The following CNNM4 variants were observed in gnomAD, a reference collection of about 807,000 sequenced individuals.
CNNM4 encodes the protein cyclin and CBS domain divalent metal cation transport mediator 4.
In CNNM4, 32 loss-of-function variants were observed where a neutral mutation model predicts 53.7. The ratio of observed to expected loss-of-function variants is 0.60; its 90% CI spans 0.45 to 0.80. The LOEUF (loss-of-function observed/expected upper bound fraction) is 0.80, where lower values mean the gene tolerates loss of function less well. Among genes scored for constraint, CNNM4 ranks in the 30% least tolerant of loss-of-function variants. The pLI, the probability that CNNM4 is intolerant of heterozygous loss-of-function variation, is 0.00. For synonymous variants in CNNM4, 410 were observed against 440.0 expected (o/e 0.93, Z 0.85); for missense variants, 784 against 1,022.0 (o/e 0.77, Z 3.17).
chr2:96,774,757 A>C, intron 1 of CNNM4, among the ~76,000 whole-genome samples: 1 of 152,112 alleles, frequency 6.6e-6, no homozygotes, highest in East Asian at 1.9e-4. Flanking sequence ...TGAGGTTAGG[A>C]GTTCGAGACC....
At chr2:96,803,221 G>A (rs779189920) in intron 5 of CNNM4, among the ~76,000 whole-genome samples, 5 of 152,246 alleles carry the variant, frequency 3.3e-5, no homozygotes, top group South Asian at 4.1e-4. Context: ...ATGGATGGCC[G>A]GGAGGTGATG....
rs770361608 is a variant in CNNM4, at chr2:96,797,636, TC to T, written c.1672del (p.Leu558Ter). On this transcript the variant is annotated frameshift_variant, in exon 3 of 7. Transcript: ENST00000377075. LOFTEE classifies it high-confidence loss of function. This position sits in a 1 kb window ranked among gnomAD's most constrained non-coding sequence, Gnocchi z 6.0. ...SPQLLLAAHR[F>X]LATEVSQFSP... is the part of the protein sequence containing the mutation. ...CAGCTCCTCCTGGCCGCTCATCGCT[TC>T]CTAGCCACAGGTAGCATGAGGAGGA... 6.2e-7 allele frequency: 1 copy of T among 1,614,002 alleles called. No individual in the cohort carries two copies. The highest frequency in any genetic ancestry group is 8.5e-7 in the Non-Finnish European group (1 of 1,180,012).
Position 96,809,580 on chromosome 2 carries a change from G to GA in CNNM4, c.*64dup, listed in dbSNP as rs1354650595. The stretch of plus-strand genomic sequence containing the variant: ...CCTCCCCAGTGGGCCCACATGAAGA[G>GA]AGGGAACCTGTTAGTCCAGAAAGGA... On this transcript the variant is annotated 3_prime_UTR_variant, in exon 7 of 7. Transcript: ENST00000377075. The GA allele has an allele frequency of 2.1e-6, 3 of 1,425,108 alleles. No homozygotes were observed. Among genetic ancestry groups the GA allele is most frequent in the African/African-American group, 2.8e-5 (2 of 70,934 alleles). 88.3% of individuals were successfully genotyped at this position (1,425,108 alleles called of 1,614,324 possible).
At chr2:96,768,272 G>C (rs1264803539) in intron 1 of CNNM4, among the ~76,000 whole-genome samples, 2 of 152,076 alleles carry the variant, frequency 1.3e-5, no homozygotes, top group Non-Finnish European at 2.9e-5. Flanking sequence ...CCTCCCATCC[G>C]CACCTGCTTA....
At position 96,761,272 on chromosome 2, in the gene CNNM4, C is replaced by T. The variant is rs1207612586; in HGVS notation, c.273C>T (p.Ile91=). The change falls in exon 1 of 7, where the codon ATC becomes ATT. Residue 91 remains isoleucine, a synonymous_variant. Coordinates refer to ENST00000377075, the MANE Select transcript of CNNM4 (RefSeq NM_020184.4). This position sits in a 1 kb window ranked among gnomAD's most constrained non-coding sequence, Gnocchi z 6.0. ...YSLGNISSNL[I]SFTEVDDAET... ...TGGGCAACATCTCCAGCAACCTGAT[C>T]TCCTTCACCGAGGTGGACGATGCCG... 3.1e-6 allele frequency: 5 copies of T among 1,614,048 alleles called. No homozygotes were observed. The highest frequency in any genetic ancestry group is 2.2e-5 in the East Asian group (1 of 44,886).
At chr2:96,793,276 G>A (rs879846792) in intron 1 of CNNM4, among the ~76,000 whole-genome samples, 7 of 152,126 alleles carry the variant, frequency 4.6e-5, no homozygotes, top group Non-Finnish European at 1.5e-5. Context: ...CTCTGGCCCG[G>A]GGAGGGGAAA....
rs200436037 is a variant in CNNM4 at position 96,762,443 on chromosome 2, C to T, written c.1402+42C>T. On this transcript the variant is annotated intron_variant, in intron 1 of 6. Transcript: ENST00000377075. ...TTCCCCTGGTTCAATTTCCTCTTGA[C>T]GCCTCTTTTCCCCTGGCGTGTTTTG... The T allele has an allele frequency of 2.8e-5, 43 of 1,561,522 alleles. No homozygotes were observed. The Middle Eastern group carries it at 5.0e-4, about 18-fold the overall frequency.
chr2:96,796,129 G>GTTT (rs1299441026), intron 1 of CNNM4, among the ~76,000 whole-genome samples: 9 of 103,198 alleles, frequency 8.7e-5, no homozygotes, highest in African/African-American at 2.8e-4. Flanking sequence ...ACCAGACAGG[G>GTTT]TCTTTTTTTT....
intron 1 of CNNM4, among the ~76,000 whole-genome samples, chr2:96,790,424 G>A (rs1475024836): frequency 6.6e-6 from 1 of 151,494 alleles, no homozygotes; most frequent in African/African-American, 2.4e-5. Flanking sequence ...GCACGATCTC[G>A]GCGCACTGCA....
At chr2:96,774,131 G>A (rs1372570819) in intron 1 of CNNM4, among the ~76,000 whole-genome samples, 2 of 152,150 alleles carry the variant, frequency 1.3e-5, no homozygotes, top group African/African-American at 2.4e-5. Context: ...CTGCAGGAGC[G>A]TCATGTGAGG....
In CNNM4 at chr2:96,761,609, C is replaced by T; in HGVS notation, c.610C>T (p.Leu204Phe). ...VLSGIFSGLN[L>F]GLMALDPMEL... is the part of the protein sequence containing the mutation. ...GTCGGGCATATTTTCTGGCCTCAAC[C>T]TCGGGCTTATGGCCCTGGACCCCAT... Residue 204 changes from leucine (L) to phenylalanine (F), a missense_variant, in exon 1 of 7, where the codon CTC (leucine) becomes TTC (phenylalanine). Leu to Phe is a conservative substitution (Grantham distance 22). Coordinates refer to ENST00000377075, the MANE Select transcript of CNNM4 (RefSeq NM_020184.4). The surrounding 1 kb of genome is among the most constrained non-coding windows in gnomAD (Gnocchi z 6.0). The T allele has an allele frequency of 6.2e-7, 1 of 1,614,146 alleles. No homozygotes were observed. The highest frequency in any genetic ancestry group is 8.5e-7 in the Non-Finnish European group (1 of 1,180,032).
At chr2:96,804,219 G>A (rs983491765) in intron 5 of CNNM4, among the ~76,000 whole-genome samples, 4 of 149,994 alleles carry the variant, frequency 2.7e-5, no homozygotes, top group South Asian at 4.2e-4. Flanking sequence ...AATAGGTCAC[G>A]TCACTAATTT....
chr2:96,804,091 G>T (rs1372371421), intron 5 of CNNM4, among the ~76,000 whole-genome samples: 1 of 151,492 alleles, frequency 6.6e-6, no homozygotes, highest in Non-Finnish European at 1.5e-5. Context: ...TTGTAGAGAT[G>T]GGGGTCTCAC....
intron 1 of CNNM4, among the ~76,000 whole-genome samples, chr2:96,771,596 C>T (rs1348179433): frequency 5.9e-5 from 9 of 152,052 alleles, no homozygotes; most frequent in East Asian, 1.9e-4. Flanking sequence ...TGCCTGTAAT[C>T]CCAACTACTT....
At chr2:96,777,168 G>A (rs745697934) in intron 1 of CNNM4, among the ~76,000 whole-genome samples, 5 of 151,848 alleles carry the variant, frequency 3.3e-5, no homozygotes, top group South Asian at 2.1e-4. Flanking sequence ...CTACAGGAGC[G>A]CGCCACCACA....
chr2:96,803,418 A>G (rs1255661727), intron 5 of CNNM4, among the ~76,000 whole-genome samples: 1 of 152,202 alleles, frequency 6.6e-6, no homozygotes, highest in Non-Finnish European at 1.5e-5. Context: ...CAACAATGAA[A>G]TTACCAGGTC....
intron 5 of CNNM4, among the ~76,000 whole-genome samples, chr2:96,806,539 G>GCGCA (rs2079210124): frequency 7.6e-6 from 1 of 130,730 alleles, no homozygotes; most frequent in Non-Finnish European, 1.6e-5. Context: ...ACACACACGC[G>GCGCA]CGCGCGCGCG....
Position 96,762,322 on chromosome 2 carries a change from C to T in CNNM4, c.1323C>T (p.Ile441=). Residue 441 remains isoleucine, a synonymous_variant, in exon 1 of 7, where the codon ATC becomes ATT. Transcript: ENST00000377075. Reference sequence around the variant, plus strand: ...ATGACTGCACCCCCCTCAAGACTATCACTCGCTTCTATAACCACCCGGTGC... The same window carrying T: ...ATGACTGCACCCCCCTCAAGACTATTACTCGCTTCTATAACCACCCGGTGC... ...DPDDCTPLKT[I]TRFYNHPVHF... 1 of 1,614,158 alleles carries T rather than the reference C, an allele frequency of 6.2e-7. No individual in the cohort carries two copies. Among genetic ancestry groups the T allele is most frequent in the Non-Finnish European group, 8.5e-7 (1 of 1,180,028 alleles).
In CNNM4 at chr2:96,808,513, T is replaced by C; in HGVS notation, c.1949-48T>C. 1 of 1,598,098 alleles carries C rather than the reference T, an allele frequency of 6.3e-7. No homozygotes were observed. The highest frequency in any genetic ancestry group is 2.2e-5 in the East Asian group (1 of 44,704). The stretch of plus-strand genomic sequence containing the variant: ...ATGAGGTGAGACATGAGGGTGAGAG[T>C]GGGCATCGGAGTGGCCTTTGGCATG... On this transcript the variant is annotated intron_variant, in intron 5 of 6. Coordinates refer to ENST00000377075, the MANE Select transcript of CNNM4 (RefSeq NM_020184.4). The surrounding 1 kb of genome is among the most constrained non-coding windows in gnomAD (Gnocchi z 4.9).
Sources: allele counts gnomAD v4.1 joint callset (sites outside exome capture counted in the v4.1 genomes callset), GRCh38; gene constraint gnomAD v4.1.1; non-coding constraint Gnocchi (gnomAD v3.1); transcripts MANE v1.5; gene names NCBI Gene and HGNC (gene_info 2026-07-23, HGNC 2026-07-21).